The following HPSE2 variants were observed in gnomAD, a reference collection of about 807,000 sequenced individuals.
HPSE2 encodes the protein heparanase 2 (inactive).
In HPSE2, 38 loss-of-function variants were observed where a neutral mutation model predicts 60.5. The ratio of observed to expected loss-of-function variants is 0.63; its 90% CI spans 0.48 to 0.82. The LOEUF (loss-of-function observed/expected upper bound fraction) is 0.82. HPSE2 is among the 40% of genes least tolerant of loss of function. The pLI is 0.00. For synonymous variants in HPSE2, 295 were observed against 293.2 expected (o/e 1.01, Z -0.06); for missense variants, 713 against 740.4 (o/e 0.96, Z 0.43).
At chr10:98,819,504 A>C (rs746121495) in intron 3 of HPSE2, among the ~76,000 whole-genome samples, 3 of 149,372 alleles carry the variant, frequency 2.0e-5, no homozygotes, top group Non-Finnish European at 3.0e-5. Context: ...TCATGTGGCC[A>C]TTACCTTTTC....
chr10:98,656,994 C>A (rs562698880), intron 6 of HPSE2, among the ~76,000 whole-genome samples: 1 of 152,062 alleles, frequency 6.6e-6, no homozygotes, highest in Non-Finnish European at 1.5e-5. Flanking sequence ...AACTCCTGAC[C>A]TCAGCTGATC....
intron 3 of HPSE2, among the ~76,000 whole-genome samples, chr10:98,830,783 C>T (rs1951666114): frequency 6.6e-6 from 1 of 152,192 alleles, no homozygotes; most frequent in Non-Finnish European, 1.5e-5. Context: ...GCACCCATTT[C>T]AGCCCTAGAG....
chr10:98,750,956 A>T (rs912784799), intron 3 of HPSE2, among the ~76,000 whole-genome samples: 2 of 152,192 alleles, frequency 1.3e-5, no homozygotes, highest in Non-Finnish European at 2.9e-5. Flanking sequence ...GAAGAGAGAC[A>T]GGAGCTGTCA....
chr10:99,211,067 G>A (rs1400620657), intron 2 of HPSE2, among the ~76,000 whole-genome samples: 1 of 151,986 alleles, frequency 6.6e-6, no homozygotes, highest in East Asian at 1.9e-4. Context: ...CAGTAAAGTT[G>A]CAGGGTACAA....
Position 98,835,028 on chromosome 10 carries a change from T to C in HPSE2, c.611-90972A>G, listed in dbSNP as rs1471434927. Among the ~76,000 whole-genome samples, 7 of 152,174 alleles carry C rather than the reference T, an allele frequency of 4.6e-5. 1 individual carries two copies. The highest frequency in any genetic ancestry group is 8.8e-5 in the Non-Finnish European group (6 of 68,016). On this transcript the variant is annotated intron_variant, in intron 3 of 11. Coordinates refer to ENST00000370552, the MANE Select transcript of HPSE2 (RefSeq NM_021828.5). The stretch of plus-strand genomic sequence containing the variant: ...CTAATATGGCAAATATTGGTAAGCA[T>C]GACCCACATAAACAAATGCTTTTGG...
rs538717716 is a variant in HPSE2 at position 98,617,970 on chromosome 10, G to C, written c.1205+2632C>G. On this transcript the variant is annotated intron_variant, in intron 8 of 11. Transcript: ENST00000370552. Reference sequence around the variant, plus strand: ...CGTGATATATAAACATTTCAAAAAGGCTGGAAAAATGCCGTCTTTTCAATT... The same window carrying C: ...CGTGATATATAAACATTTCAAAAAGCCTGGAAAAATGCCGTCTTTTCAATT... 2.1e-4 allele frequency among the ~76,000 whole-genome samples: 32 copies of C among 152,184 alleles called. 1 individual carries two copies. The highest frequency in any genetic ancestry group is 6.5e-4 in the African/African-American group (27 of 41,516).
intron 3 of HPSE2, among the ~76,000 whole-genome samples, chr10:98,971,215 C>A: frequency 6.6e-6 from 1 of 152,160 alleles, no homozygotes; most frequent in Non-Finnish European, 1.5e-5. Flanking sequence ...ACAAGAATAA[C>A]AACATAATCC....
intron 2 of HPSE2, among the ~76,000 whole-genome samples, chr10:99,147,957 G>A (rs540306304): frequency 1.3e-5 from 2 of 152,268 alleles, no homozygotes; most frequent in South Asian, 2.1e-4. Context: ...AATTAATGAT[G>A]TAAGATTTAA....
At chr10:98,980,039 T>C (rs1286035609) in intron 3 of HPSE2, among the ~76,000 whole-genome samples, 1 of 152,188 alleles carries the variant, frequency 6.6e-6, no homozygotes, top group Non-Finnish European at 1.5e-5. Context: ...TATTATTAAA[T>C]GTATCTTCAT....
At chr10:99,093,454 C>T (rs927370761) in intron 3 of HPSE2, among the ~76,000 whole-genome samples, 1 of 152,056 alleles carries the variant, frequency 6.6e-6, no homozygotes, top group East Asian at 1.9e-4. Flanking sequence ...GACTGTTTTG[C>T]ACTCCCATGA....
At chr10:98,675,627 C>T (rs947339248) in intron 6 of HPSE2, among the ~76,000 whole-genome samples, 14 of 151,592 alleles carry the variant, frequency 9.2e-5, no homozygotes, top group Non-Finnish European at 2.1e-4. Flanking sequence ...ACTTGGGAGG[C>T]TGAGGTGGGA....
chr10:98,614,864 G>A (rs764752466), intron 9 of HPSE2, 40 bp downstream of exon 9: 1 of 1,320,276 alleles, frequency 7.6e-7, no homozygotes, highest in East Asian at 2.3e-5. Context: ...AGAACTGAAT[G>A]ACATGGAAAA....
intron 3 of HPSE2, among the ~76,000 whole-genome samples, chr10:98,905,911 T>G (rs962163993): frequency 6.6e-6 from 1 of 152,180 alleles, no homozygotes; most frequent in Non-Finnish European, 1.5e-5. Context: ...AGTGGATGTA[T>G]GTTGCACCCA....
At chr10:98,931,849 A>G (rs1954649323) in intron 3 of HPSE2, among the ~76,000 whole-genome samples, 1 of 144,148 alleles carries the variant, frequency 6.9e-6, no homozygotes, top group African/African-American at 2.8e-5. Flanking sequence ...GTTGCATATC[A>G]GCTTAAGAAC....
chr10:98,632,252 G>T (rs1946383949), intron 7 of HPSE2, among the ~76,000 whole-genome samples: 1 of 151,788 alleles, frequency 6.6e-6, no homozygotes. Context: ...TAACCCAAAA[G>T]GTAATATAAT....
At chr10:98,953,810 C>T (rs567737868) in intron 3 of HPSE2, among the ~76,000 whole-genome samples, 15 of 152,192 alleles carry the variant, frequency 9.9e-5, no homozygotes, top group East Asian at 9.7e-4. Context: ...TTGGTGACTA[C>T]GCAACATTGA....
chr10:98,470,882 G>A (rs1159776182), intron 11 of HPSE2, among the ~76,000 whole-genome samples: 3 of 152,094 alleles, frequency 2.0e-5, no homozygotes, highest in African/African-American at 7.2e-5. Context: ...AATATATTCT[G>A]GATCTGAGAA....
At chr10:98,747,475 G>A (rs1949656975) in intron 3 of HPSE2, among the ~76,000 whole-genome samples, 1 of 152,146 alleles carries the variant, frequency 6.6e-6, no homozygotes, top group South Asian at 2.1e-4. Flanking sequence ...TGATTTCATG[G>A]ATTTGATGGT....
chr10:98,757,483 G>A (rs1251832046), intron 3 of HPSE2, among the ~76,000 whole-genome samples: 1 of 152,070 alleles, frequency 6.6e-6, no homozygotes, highest in Non-Finnish European at 1.5e-5. Context: ...CTTCAGTAAA[G>A]TTTCAGGATA....
Sources: gnomAD v4.1 joint callset for allele counts (sites outside exome capture counted in the v4.1 genomes callset) on GRCh38, gnomAD v4.1.1 for gene constraint, MANE v1.5 for transcripts, NCBI Gene and HGNC (gene_info 2026-07-23, HGNC 2026-07-21) for gene names.